Variants in KIFC3 observed in about 807,000 individuals in gnomAD.
KIFC3 encodes the protein kinesin family member C3, also known as kinesin-like protein KIFC3.
A neutral mutation model predicts 101.8 loss-of-function variants in KIFC3; 60 were observed. That is an observed-to-expected ratio of 0.59 (90% confidence interval 0.48 to 0.73). The LOEUF is 0.73. Ranked by LOEUF, KIFC3 falls within the 30% of genes least tolerant of loss-of-function variation. The probability of loss-of-function intolerance (pLI) is 0.00; values close to 1 mark genes in which losing one functional copy is unlikely to be tolerated. For synonymous variants in KIFC3, 476 were observed against 482.7 expected, an observed-to-expected ratio of 0.99 and a Z score of 0.18; for missense variants, 966 against 1,137.1, an observed-to-expected ratio of 0.85 and a Z score of 2.16.
chr16:57,817,085 G>A (rs949265555), intron 1 of KIFC3: 7 of 280,868 alleles, frequency 2.5e-5, no homozygotes, highest in East Asian at 1.0e-4. Flanking sequence ...TCGGCCAGGC[G>A]TGGTGGCTCA....
upstream of KIFC3, chr16:57,802,922 T>G: frequency 6.7e-7 from 1 of 1,491,174 alleles, no homozygotes; most frequent in South Asian, 1.2e-5. The surrounding 1 kb of genome is among the most constrained non-coding windows in gnomAD (Gnocchi z 5.0). Context: ...TACCAGTACG[T>G]GTCTTCCCAT....
chr16:57,767,406 C>A (rs1333902860), intron 9 of KIFC3, among the ~76,000 whole-genome samples: 4 of 152,186 alleles, frequency 2.6e-5, no homozygotes, highest in African/African-American at 4.8e-5. Context: ...ACTCATGAAT[C>A]TGTAAAGATC....
chr16:57,825,644 G>A (rs1377273755), intron 1 of KIFC3, among the ~76,000 whole-genome samples: 1 of 152,076 alleles, frequency 6.6e-6, no homozygotes, highest in African/African-American at 2.4e-5. Context: ...ACAATTCTGA[G>A]GTTGTTTTCT....
At chr16:57,761,570 C>T in intron 13 of KIFC3, 34 bp from the exon 14 acceptor site, 2 of 1,603,808 alleles carry the variant, frequency 1.2e-6, no homozygotes, top group African/African-American at 2.7e-5. Flanking sequence ...ACCCCCTCCT[C>T]CCATTTCCAG....
rs1478812530 is a variant in KIFC3, at chr16:57,762,311, C to A, written c.1618-41G>T. 3 of 1,478,566 alleles carry A rather than the reference C, an allele frequency of 2.0e-6. No homozygotes were observed. In the Admixed American group the frequency reaches 6.8e-5, roughly 34 times the overall value. The allele number at this position is 1,478,566 out of a possible 1,614,324, so 91.6% of individuals were successfully genotyped here. On this transcript the variant is annotated intron_variant, in intron 12 of 19. Coordinates refer to ENST00000445690, the MANE Select transcript of KIFC3 (RefSeq NM_001130100.2). ...AAGGCCCCAGTAAGCCAGGCCTGTC[C>A]CCAAAGACGCTCGTGTGGTGTCTGT... is the stretch of plus-strand genomic sequence containing the variant.
At chr16:57,834,169 T>C (rs772303371) in intron 1 of KIFC3, among the ~76,000 whole-genome samples, 20 of 152,192 alleles carry the variant, frequency 1.3e-4, no homozygotes, top group Non-Finnish European at 2.6e-4. Context: ...GGAATGCATT[T>C]ATTTTTAAAG....
At chr16:57,801,366 G>C (rs1315896716) in intron 1 of KIFC3, among the ~76,000 whole-genome samples, 1 of 152,194 alleles carries the variant, frequency 6.6e-6, no homozygotes, top group African/African-American at 2.4e-5. Flanking sequence ...TCTATCCTGG[G>C]CTTTCCAGGG....
intron 1 of KIFC3, among the ~76,000 whole-genome samples, chr16:57,825,960 C>A (rs747321220): frequency 6.6e-6 from 1 of 152,258 alleles, no homozygotes; most frequent in South Asian, 2.1e-4. Context: ...GCTGGGATTA[C>A]AGGCATGAGC....
chr16:57,783,605 T>C (rs918018209), intron 3 of KIFC3, among the ~76,000 whole-genome samples: 2 of 151,828 alleles, frequency 1.3e-5, no homozygotes, highest in African/African-American at 4.8e-5. Context: ...CCCAAGTAGT[T>C]AAGATTACAG....
chr16:57,798,054 T>A lies in KIFC3; in HGVS notation c.172+18A>T. 6.3e-7 allele frequency: 1 copy of A among 1,586,362 alleles called. No homozygotes were observed. Among genetic ancestry groups the A allele is most frequent in the African/African-American group, 1.3e-5 (1 of 74,342 alleles). ...GAAGGAAGGGAAATAAAGAGGCATT[T>A]TAAAAATGCGGACTCACCAGTTCTC... On this transcript the variant is annotated intron_variant, in intron 2 of 19. Coordinates refer to ENST00000445690, the MANE Select transcript of KIFC3 (RefSeq NM_001130100.2).
At position 57,769,308 on chromosome 16, in the gene KIFC3, T is replaced by C. The variant is rs1264775044; in HGVS notation, c.1218+287A>G. Among the ~76,000 whole-genome samples, 1 of 152,234 alleles carries C rather than the reference T, an allele frequency of 6.6e-6. No homozygotes were observed. Among genetic ancestry groups the C allele is most frequent in the Non-Finnish European group, 1.5e-5 (1 of 68,048 alleles). ...GCCTCGGCCTCCCAAAGTGTTGGAATTACAGGTGTGAGCCACCGCGCCTGG... is the reference window on the plus strand; with the variant it reads ...GCCTCGGCCTCCCAAAGTGTTGGAACTACAGGTGTGAGCCACCGCGCCTGG... On this transcript the variant is annotated intron_variant, in intron 9 of 19. Transcript: ENST00000445690. This position sits in a 1 kb window ranked among gnomAD's most constrained non-coding sequence, Gnocchi z 4.3.
chr16:57,836,491 C>A (rs1175388691), intron 1 of KIFC3, among the ~76,000 whole-genome samples: 1 of 152,070 alleles, frequency 6.6e-6, no homozygotes, highest in African/African-American at 2.4e-5. Context: ...AGAGCTAAGC[C>A]TCTGGGCAGA....
chr16:57,821,397 A>C (rs145902006), intron 1 of KIFC3, among the ~76,000 whole-genome samples: 1 of 152,330 alleles, frequency 6.6e-6, no homozygotes, highest in Non-Finnish European at 1.5e-5. Flanking sequence ...AAGGAAAACC[A>C]GGTAACTCTC....
At chr16:57,760,227 A>T in intron 17 of KIFC3, 55 bp downstream of exon 17, 2 of 1,568,692 alleles carry the variant, frequency 1.3e-6, no homozygotes, top group Non-Finnish European at 1.7e-6. Context: ...TCCTGCCATG[A>T]CCCAAAGTCT....
At chr16:57,833,481 G>T (rs1430341172) in intron 1 of KIFC3, among the ~76,000 whole-genome samples, 1 of 152,188 alleles carries the variant, frequency 6.6e-6, no homozygotes, top group Non-Finnish European at 1.5e-5. Flanking sequence ...GGGAGCAGAG[G>T]TGTGCTCTCC....
chr16:57,785,382 T>TGG (rs2053211795), intron 3 of KIFC3: 6 of 799,884 alleles, frequency 7.5e-6, no homozygotes, highest in South Asian at 6.7e-5. Flanking sequence ...AGTAGCCTGG[T>TGG]GGGGTCAGGT....
In KIFC3 at chr16:57,798,153, C is replaced by CCGGCT; in HGVS notation, c.86_90dup (p.Gly31SerfsTer27). On this transcript the variant is annotated frameshift_variant, in exon 2 of 20. Coordinates refer to ENST00000445690, the MANE Select transcript of KIFC3 (RefSeq NM_001130100.2). LOFTEE classifies it high-confidence loss of function. Reference sequence around the variant, plus strand: ...GGGGCTGGGGCGGGGCGAGCCATCCCCGGCTCGGGCTCCGGGGCCCGGCCC... The same window carrying CCGGCT: ...GGGGCTGGGGCGGGGCGAGCCATCCCCGGCTCGGCTCGGGCTCCGGGGCCCGGCCC... The CCGGCT allele has an allele frequency of 6.5e-7, 1 of 1,546,268 alleles. No individual in the cohort carries two copies. The highest frequency in any genetic ancestry group is 1.4e-5 in the African/African-American group (1 of 73,044).
chr16:57,807,984 A>G (rs2149253310), upstream of KIFC3: 1 of 151,526 alleles, frequency 6.6e-6, no homozygotes, highest in Non-Finnish European at 1.5e-5. Context: ...TAGAAAATAA[A>G]AAGGAAACCA....
At chr16:57,856,353 C>G (rs1234393887) in intron 1 of KIFC3, among the ~76,000 whole-genome samples, 1 of 151,484 alleles carries the variant, frequency 6.6e-6, no homozygotes, top group Admixed American at 6.6e-5. Context: ...TGGCAGCACA[C>G]CCCTGAGGTC....
Sources: gnomAD v4.1 joint callset for allele counts (sites outside exome capture counted in the v4.1 genomes callset) on GRCh38, gnomAD v4.1.1 for gene constraint, Gnocchi (gnomAD v3.1) non-coding constraint, MANE v1.5 for transcripts, NCBI Gene and HGNC (gene_info 2026-07-23, HGNC 2026-07-21) for gene names.